The following GNAQ variants were observed in gnomAD, a reference collection of about 807,000 sequenced individuals.
GNAQ encodes the protein guanine nucleotide-binding protein G(q) subunit alpha.
Under a neutral mutation model 43.9 loss-of-function variants are expected in GNAQ, and 8 were observed. The ratio of observed to expected loss-of-function variants is 0.18; its 90% CI spans 0.11 to 0.33. GNAQ has a LOEUF of 0.33. Among genes scored for constraint, GNAQ ranks in the 10% least tolerant of loss-of-function variants. The probability of loss-of-function intolerance (pLI) is 1.00; values close to 1 mark genes in which losing one functional copy is unlikely to be tolerated. For synonymous variants in GNAQ, 155 were observed against 170.7 expected, an observed-to-expected ratio of 0.91 and a Z score of 0.71; for missense variants, 158 against 450.8, an observed-to-expected ratio of 0.35 and a Z score of 5.88.
At chr9:77,885,489 TGA>T (rs936233935) in intron 2 of GNAQ, among the ~76,000 whole-genome samples, 33 of 151,996 alleles carry the variant, frequency 2.2e-4, no homozygotes, top group African/African-American at 8.0e-4. Context: ...CACAACTCTC[TGA>T]GAGTTAACTG....
At chr9:77,907,210 T>C (rs904499355) in intron 2 of GNAQ, among the ~76,000 whole-genome samples, 1 of 152,200 alleles carries the variant, frequency 6.6e-6, no homozygotes, top group Non-Finnish European at 1.5e-5. Flanking sequence ...ACCAAGTTTT[T>C]CATAGAGTTG....
At chr9:77,855,934 A>C (rs1223291557) in intron 2 of GNAQ, among the ~76,000 whole-genome samples, 1 of 152,202 alleles carries the variant, frequency 6.6e-6, no homozygotes, top group African/African-American at 2.4e-5. Flanking sequence ...GTATCTATAG[A>C]TATACATAAC....
intron 1 of GNAQ, among the ~76,000 whole-genome samples, chr9:77,969,193 C>T (rs1823206020): frequency 6.6e-6 from 1 of 152,206 alleles, no homozygotes; most frequent in Admixed American, 6.5e-5. Flanking sequence ...TTATTCAACA[C>T]CCCAATTCTC....
At chr9:78,001,864 T>A (rs577380369) in intron 1 of GNAQ, among the ~76,000 whole-genome samples, 4 of 152,234 alleles carry the variant, frequency 2.6e-5, no homozygotes, top group Non-Finnish European at 5.9e-5. Flanking sequence ...AGTATTCTAC[T>A]ACACAAGTTC....
At chr9:77,880,556 T>TG (rs1564139459) in intron 2 of GNAQ, among the ~76,000 whole-genome samples, 1 of 21,060 alleles carries the variant, frequency 4.7e-5, no homozygotes. Context: ...ATTTTTTCTG[T>TG]TTTTTTTTTT....
intron 5 of GNAQ, among the ~76,000 whole-genome samples, chr9:77,778,892 T>C (rs1280572281): frequency 3.3e-5 from 5 of 151,908 alleles, no homozygotes; most frequent in African/African-American, 2.4e-5. Flanking sequence ...ATCCTTAATG[T>C]GTATATCCCT....
chr9:77,847,350 CT>C (rs1827603749), intron 2 of GNAQ, among the ~76,000 whole-genome samples: 1 of 152,216 alleles, frequency 6.6e-6, no homozygotes, highest in Admixed American at 6.5e-5. Context: ...AACAAAGTGC[CT>C]TTTCAGCACT....
intron 1 of GNAQ, among the ~76,000 whole-genome samples, chr9:78,012,704 G>C (rs919665691): frequency 1.3e-5 from 2 of 152,000 alleles, no homozygotes; most frequent in African/African-American, 2.4e-5. Context: ...CATCTTAATT[G>C]CAGACACAAA....
At chr9:77,814,563 C>T (rs933642239) in intron 3 of GNAQ, among the ~76,000 whole-genome samples, 2 of 152,162 alleles carry the variant, frequency 1.3e-5, no homozygotes, top group African/African-American at 4.8e-5. Context: ...TGATGTGAAT[C>T]ATATCTTATA....
At chr9:77,879,737 T>C (rs2118059363) in intron 2 of GNAQ, among the ~76,000 whole-genome samples, 1 of 152,334 alleles carries the variant, frequency 6.6e-6, no homozygotes, top group South Asian at 2.1e-4. Context: ...AAGTAGTCCC[T>C]TGAGAGGCAG....
intron 1 of GNAQ, among the ~76,000 whole-genome samples, chr9:77,958,848 T>G (rs1359755891): frequency 6.6e-6 from 1 of 152,168 alleles, no homozygotes; most frequent in African/African-American, 2.4e-5. Context: ...CAGACTGATT[T>G]CAACCCCAAA....
intron 2 of GNAQ, among the ~76,000 whole-genome samples, chr9:77,832,646 T>C (rs1827318502): frequency 6.6e-6 from 1 of 152,236 alleles, no homozygotes; most frequent in African/African-American, 2.4e-5. Flanking sequence ...TAAGGTTAAC[T>C]GAATGCATAT....
At chr9:78,016,283 A>G (rs1269197333) in intron 1 of GNAQ, among the ~76,000 whole-genome samples, 1 of 152,244 alleles carries the variant, frequency 6.6e-6, no homozygotes, top group Non-Finnish European at 1.5e-5. Flanking sequence ...AATTCTGCAT[A>G]TAGCCAAACC....
intron 3 of GNAQ, among the ~76,000 whole-genome samples, chr9:77,801,195 C>A (rs551919780): frequency 6.6e-6 from 1 of 152,270 alleles, no homozygotes; most frequent in East Asian, 1.9e-4. Context: ...TGTCACATTG[C>A]TTGGATAAGA....
chr9:77,969,782 A>G (rs1409531681), intron 1 of GNAQ, among the ~76,000 whole-genome samples: 3 of 152,192 alleles, frequency 2.0e-5, no homozygotes, highest in African/African-American at 7.2e-5. Flanking sequence ...TCCATCAGGC[A>G]TGTAATGCAT....
At chr9:77,727,472 G>A (rs1348634609) in intron 6 of GNAQ, among the ~76,000 whole-genome samples, 4 of 152,186 alleles carry the variant, frequency 2.6e-5, no homozygotes, top group Non-Finnish European at 5.9e-5. Flanking sequence ...TAGTTGGGGA[G>A]GGTAAGATCC....
chr9:77,944,417 A>G (rs1192314305), intron 1 of GNAQ, among the ~76,000 whole-genome samples: 1 of 151,840 alleles, frequency 6.6e-6, no homozygotes, highest in African/African-American at 2.4e-5. Flanking sequence ...AAAACACTCA[A>G]TCATCCTTGC....
chr9:77,876,385 C>G (rs934549135), intron 2 of GNAQ, among the ~76,000 whole-genome samples: 1 of 152,184 alleles, frequency 6.6e-6, no homozygotes, highest in African/African-American at 2.4e-5. Flanking sequence ...TTTAGGCAAG[C>G]TGCTTAATCA....
chr9:77,949,117 G>A (rs912723382), intron 1 of GNAQ, among the ~76,000 whole-genome samples: 1 of 152,136 alleles, frequency 6.6e-6, no homozygotes, highest in African/African-American at 2.4e-5. Flanking sequence ...ACAAAATGAG[G>A]ACACTGACAC....
Sources: gnomAD v4.1 joint callset for allele counts (sites outside exome capture counted in the v4.1 genomes callset) on GRCh38, gnomAD v4.1.1 for gene constraint, MANE v1.5 for transcripts, NCBI Gene and HGNC (gene_info 2026-07-23, HGNC 2026-07-21) for gene names.